The following ACOXL variants were observed in gnomAD, a reference collection of about 807,000 sequenced individuals.
ACOXL encodes the protein acyl-coenzyme A oxidase-like protein.
Under a neutral mutation model 71.9 loss-of-function variants are expected in ACOXL, and 70 were observed. The ratio of observed to expected loss-of-function variants is 0.97; its 90% CI spans 0.80 to 1.19. The LOEUF (loss-of-function observed/expected upper bound fraction) is 1.19, where lower values mean the gene tolerates loss of function less well. Among genes scored for constraint, ACOXL ranks in the 50% most tolerant of loss-of-function variants. The pLI is 0.00. For synonymous variants in ACOXL, 253 were observed against 281.6 expected, an observed-to-expected ratio of 0.90 and a Z score of 1.02; for missense variants, 703 against 736.3, an observed-to-expected ratio of 0.95 and a Z score of 0.52.
intron 2 of ACOXL, among the ~76,000 whole-genome samples, chr2:110,772,474 G>A (rs926276826): frequency 6.6e-6 from 1 of 152,138 alleles, no homozygotes; most frequent in African/African-American, 2.4e-5. Flanking sequence ...CTTGTGGGTG[G>A]CTCATAGGGA....
chr2:110,763,455 A>G (rs929546862), intron 1 of ACOXL, among the ~76,000 whole-genome samples: 2 of 152,234 alleles, frequency 1.3e-5, no homozygotes, highest in Admixed American at 6.5e-5. Context: ...TTTTCTACCA[A>G]TGATGCTGTG....
chr2:110,876,483 C>T (rs1290924653), intron 10 of ACOXL, among the ~76,000 whole-genome samples: 12 of 152,102 alleles, frequency 7.9e-5, no homozygotes, highest in Admixed American at 3.9e-4. Context: ...GCTGGGCAGA[C>T]GGGCCAGGCC....
chr2:111,086,631 G>T (rs1157845312), intron 16 of ACOXL, among the ~76,000 whole-genome samples: 1 of 151,898 alleles, frequency 6.6e-6, no homozygotes, highest in Non-Finnish European at 1.5e-5. Context: ...GAACATCTTC[G>T]ACAAAAGGCA....
intron 17 of ACOXL, among the ~76,000 whole-genome samples, chr2:111,106,454 G>C (rs2069545699): frequency 6.6e-6 from 1 of 150,892 alleles, no homozygotes; most frequent in Non-Finnish European, 1.5e-5. Flanking sequence ...GTTTATAATT[G>C]CTCATTGAAA....
At chr2:110,867,426 C>G (rs1158671433) in intron 10 of ACOXL, among the ~76,000 whole-genome samples, 1 of 152,184 alleles carries the variant, frequency 6.6e-6, no homozygotes, top group Non-Finnish European at 1.5e-5. Flanking sequence ...CACTTTGGCA[C>G]TTCTGGAGAA....
chr2:111,079,936 C>T lies in ACOXL; in HGVS notation c.1441-12929C>T, dbSNP rs960751917. On this transcript the variant is annotated intron_variant, in intron 16 of 17. Coordinates refer to ENST00000439055, the MANE Select transcript of ACOXL (RefSeq NM_001142807.4). ...TTCCATTCAGGGATTCAACTTCTTC[C>T]TGGTTTAGTCTTGGGAGGGTGTATG... 2.0e-5 allele frequency among the ~76,000 whole-genome samples: 3 copies of T among 150,182 alleles called. No individual in the cohort carries two copies. In the South Asian group the frequency reaches 6.3e-4, roughly 32 times the overall value.
chr2:110,769,936 G>A (rs929248417), intron 2 of ACOXL, among the ~76,000 whole-genome samples: 1 of 152,156 alleles, frequency 6.6e-6, no homozygotes, highest in Non-Finnish European at 1.5e-5. Flanking sequence ...AGCTACTTGG[G>A]ACGCTGAGGT....
At chr2:110,980,068 G>GCGGCCT (rs2149520767) in intron 12 of ACOXL, among the ~76,000 whole-genome samples, 1 of 152,320 alleles carries the variant, frequency 6.6e-6, no homozygotes, top group Admixed American at 6.5e-5. Context: ...TTAGGCCAGG[G>GCGGCCT]CGGCCTCATG....
At position 110,799,003 on chromosome 2, in the gene ACOXL, G is replaced by T; in HGVS notation, c.461-11G>T. ...AGGAGAGCTTAATAATGATCTCGAT[G>T]CCTTCCTTAGGGCCCCACTGTTTCA... On this transcript the variant is annotated splice_polypyrimidine_tract_variant and intron_variant, in intron 6 of 17. Coordinates refer to ENST00000439055, the MANE Select transcript of ACOXL (RefSeq NM_001142807.4). 1 of 1,613,434 alleles carries T rather than the reference G, an allele frequency of 6.2e-7. No individual in the cohort carries two copies. The highest frequency in any genetic ancestry group is 8.5e-7 in the Non-Finnish European group (1 of 1,179,436).
In ACOXL at chr2:110,908,838, C is replaced by G; in HGVS notation, c.838C>G (p.His280Asp). 1 of 1,614,156 alleles carries G rather than the reference C, an allele frequency of 6.2e-7. No individual in the cohort carries two copies. Among genetic ancestry groups the G allele is most frequent in the Non-Finnish European group, 8.5e-7 (1 of 1,179,998 alleles). ...CAAGGAAGAGGTGAAGATCATTGAG[C>G]ACCAAACACAGACCCTGCGGCTGAT... ...KTKEEVKIIEHQTQTLRLMPH... is the reference protein window; with the variant it reads ...KTKEEVKIIEDQTQTLRLMPH... Residue 280 changes from histidine to aspartate, a missense_variant, in exon 11 of 18, where the codon CAC (histidine) becomes GAC (aspartate). Transcript: ENST00000439055.
chr2:110,864,779 G>A (rs550640372), intron 10 of ACOXL, among the ~76,000 whole-genome samples: 25 of 152,196 alleles, frequency 1.6e-4, no homozygotes, highest in Admixed American at 5.2e-4. Context: ...TTGGCCCTGT[G>A]CCTTGTGAAT....
At chr2:110,896,239 G>A (rs2059003113) in intron 10 of ACOXL, among the ~76,000 whole-genome samples, 1 of 151,998 alleles carries the variant, frequency 6.6e-6, no homozygotes, top group African/African-American at 2.4e-5. Context: ...TATACAAAGA[G>A]ATATACTCAC....
intron 1 of ACOXL, among the ~76,000 whole-genome samples, chr2:110,765,918 G>A (rs899748349): frequency 9.2e-5 from 14 of 152,074 alleles, no homozygotes; most frequent in African/African-American, 3.4e-4. Flanking sequence ...CATCTATGCT[G>A]TATTCTTGAG....
In ACOXL at chr2:110,766,326, G is replaced by A. The variant is rs192677368; in HGVS notation, c.-22-2042G>A. ...GATTGATTGAATATTTTTTAGCATG[G>A]GGTCCCTTGTTGAGGTATATTGGGA... is the stretch of plus-strand genomic sequence containing the variant. On this transcript the variant is annotated intron_variant, in intron 1 of 17. Transcript: ENST00000439055. Among the ~76,000 whole-genome samples the A allele has an allele frequency of 1.1e-3, 160 of 152,204 alleles. 2 individuals carry two copies. Among genetic ancestry groups the A allele is most frequent in the African/African-American group, 3.7e-3 (153 of 41,550 alleles).
chr2:110,801,143 C>G (rs1164807423), intron 7 of ACOXL, among the ~76,000 whole-genome samples: 1 of 152,216 alleles, frequency 6.6e-6, no homozygotes, highest in Non-Finnish European at 1.5e-5. Flanking sequence ...CTGCTTCCCC[C>G]ACTTCCTGCT....
chr2:111,052,858 C>A (rs944118510), intron 16 of ACOXL, among the ~76,000 whole-genome samples: 2 of 152,132 alleles, frequency 1.3e-5, no homozygotes, highest in African/African-American at 4.8e-5. Flanking sequence ...TCCCACCCCC[C>A]CAATCTAGGA....
intron 10 of ACOXL, among the ~76,000 whole-genome samples, chr2:110,875,966 C>T (rs185738765): frequency 1.3e-5 from 2 of 152,238 alleles, no homozygotes; most frequent in Non-Finnish European, 2.9e-5. Context: ...TAAATCCACT[C>T]TACTGTATTT....
Position 110,801,725 on chromosome 2 carries a change from G to A in ACOXL, c.620+1G>A. On this transcript the variant is annotated splice_donor_variant, in intron 8 of 17. Coordinates refer to ENST00000439055, the MANE Select transcript of ACOXL (RefSeq NM_001142807.4). LOFTEE classifies it high-confidence loss of function. The stretch of plus-strand genomic sequence containing the variant: ...TACCCAGGGAGAACCTGCTGGATAA[G>A]TGAGTAGTTTCTCCTTAACTCAGGT... 1.2e-6 allele frequency: 2 copies of A among 1,613,724 alleles called. No individual in the cohort carries two copies. The highest frequency in any genetic ancestry group is 1.7e-6 in the Non-Finnish European group (2 of 1,179,598).
intron 1 of ACOXL, among the ~76,000 whole-genome samples, chr2:110,748,638 C>T (rs993317373): frequency 4.6e-5 from 7 of 152,194 alleles, no homozygotes; most frequent in Admixed American, 2.0e-4. Flanking sequence ...TGTTTCCATT[C>T]ACCATCAATT....
Sources: gnomAD v4.1 joint callset for allele counts (sites outside exome capture counted in the v4.1 genomes callset) on GRCh38, gnomAD v4.1.1 for gene constraint, MANE v1.5 for transcripts, NCBI Gene and HGNC (gene_info 2026-07-23, HGNC 2026-07-21) for gene names.